Variants in GATAD2B observed in about 807,000 individuals in gnomAD.
GATAD2B encodes the protein GATA zinc finger domain containing 2B, also known as transcriptional repressor p66-beta.
GATAD2B carries 8 observed loss-of-function variants against 64.3 expected under a neutral mutation model. The ratio of observed to expected loss-of-function variants is 0.12; its 90% CI spans 0.07 to 0.22. The LOEUF is 0.22. Ranked by LOEUF, GATAD2B falls within the 10% of genes least tolerant of loss-of-function variation. The probability of loss-of-function intolerance (pLI) is 1.00; values close to 1 mark genes in which losing one functional copy is unlikely to be tolerated. For missense variants in GATAD2B, 453 were observed against 752.0 expected (o/e 0.60, Z 4.65); for synonymous variants, 281 against 271.3 (o/e 1.04, Z -0.35).
At chr1:153,884,630 T>C (rs940388081) in intron 1 of GATAD2B, among the ~76,000 whole-genome samples, 1 of 152,178 alleles carries the variant, frequency 6.6e-6, no homozygotes, top group East Asian at 1.9e-4. Context: ...AACTTCCTCT[T>C]GGTAAATATT....
At chr1:153,922,539 G>C (rs962670701) in intron 1 of GATAD2B, among the ~76,000 whole-genome samples, 194 bp downstream of exon 1, 10 of 146,914 alleles carry the variant, frequency 6.8e-5, no homozygotes, top group Admixed American at 4.0e-4. Context: ...GTGCCGGGGT[G>C]GGGGGAGGGG....
At chr1:153,851,237 A>T (rs1008385613) in intron 1 of GATAD2B, among the ~76,000 whole-genome samples, 3 of 152,172 alleles carry the variant, frequency 2.0e-5, no homozygotes, top group Non-Finnish European at 4.4e-5. Context: ...CCCTTAGCAT[A>T]ATGTCCTCAA....
At chr1:153,915,822 A>C (rs1324176774) in intron 1 of GATAD2B, among the ~76,000 whole-genome samples, 1 of 152,080 alleles carries the variant, frequency 6.6e-6, no homozygotes, top group African/African-American at 2.4e-5. Flanking sequence ...GTAGGGCTGG[A>C]TAGGAAGGCA....
intron 1 of GATAD2B, among the ~76,000 whole-genome samples, chr1:153,873,248 T>C (rs576992498): frequency 2.0e-5 from 3 of 152,354 alleles, no homozygotes; most frequent in South Asian, 4.1e-4. Context: ...ACTTGTTTAA[T>C]AGGTAACCTA....
intron 1 of GATAD2B, among the ~76,000 whole-genome samples, chr1:153,901,096 C>T (rs1571001132): frequency 6.6e-6 from 1 of 151,940 alleles, no homozygotes; most frequent in Admixed American, 6.6e-5. Flanking sequence ...TGCCTGTAAT[C>T]CAAGCTACTC....
intron 1 of GATAD2B, among the ~76,000 whole-genome samples, chr1:153,874,136 C>T (rs540339920): frequency 6.6e-6 from 1 of 151,746 alleles, no homozygotes; most frequent in African/African-American, 2.4e-5. Context: ...GTGGCGTGTG[C>T]CTGTAGTCCC....
At chr1:153,911,349 A>T (rs2101968607) in intron 1 of GATAD2B, among the ~76,000 whole-genome samples, 1 of 152,290 alleles carries the variant, frequency 6.6e-6, no homozygotes, top group East Asian at 1.9e-4. Context: ...ACAATAACCA[A>T]CAAAAGAAAG....
At chr1:153,869,447 T>A (rs1467342450) in intron 1 of GATAD2B, among the ~76,000 whole-genome samples, 1 of 152,238 alleles carries the variant, frequency 6.6e-6, no homozygotes, top group East Asian at 1.9e-4. Context: ...CTTATGGATA[T>A]TTATTTTACC....
chr1:153,900,324 G>C (rs1677726827), intron 1 of GATAD2B, among the ~76,000 whole-genome samples: 1 of 151,896 alleles, frequency 6.6e-6, no homozygotes, highest in Non-Finnish European at 1.5e-5. Context: ...GAGGCTTGAG[G>C]CAGGAGAATC....
At chr1:153,870,094 C>G (rs1427440076) in intron 1 of GATAD2B, among the ~76,000 whole-genome samples, 1 of 152,098 alleles carries the variant, frequency 6.6e-6, no homozygotes. Context: ...ATTACAAAGG[C>G]CTGCCACTAT....
intron 1 of GATAD2B, among the ~76,000 whole-genome samples, chr1:153,865,145 G>T (rs1676432209): frequency 6.6e-6 from 1 of 150,428 alleles, no homozygotes; most frequent in African/African-American, 2.4e-5. Flanking sequence ...ACAACAAATA[G>T]GAAAGTCATG....
At chr1:153,832,151 G>A (rs1396382948) in intron 1 of GATAD2B, among the ~76,000 whole-genome samples, 4 of 151,988 alleles carry the variant, frequency 2.6e-5, no homozygotes, top group African/African-American at 9.7e-5. Context: ...GGAGGCAGAG[G>A]TTTCAGTGAG....
chr1:153,920,280 A>G (rs1489651966), intron 1 of GATAD2B, among the ~76,000 whole-genome samples: 1 of 152,228 alleles, frequency 6.6e-6, no homozygotes, highest in Non-Finnish European at 1.5e-5. Flanking sequence ...CACTGACACA[A>G]TGGTCCCCAA....
At chr1:153,868,242 AATT>A (rs1676544888) in intron 1 of GATAD2B, among the ~76,000 whole-genome samples, 1 of 152,148 alleles carries the variant, frequency 6.6e-6, no homozygotes, top group African/African-American at 2.4e-5. Context: ...AAAATTTTAA[AATT>A]ATTAATGCAT....
At chr1:153,897,992 G>GAAAAAAA (rs1364485794) in intron 1 of GATAD2B, among the ~76,000 whole-genome samples, 1 of 70,748 alleles carries the variant, frequency 1.4e-5, no homozygotes, top group Admixed American at 1.6e-4. Context: ...AAAACAAACA[G>GAAAAAAA]AAAAAAAAAA....
chr1:153,878,166 T>C (rs916163765), intron 1 of GATAD2B, among the ~76,000 whole-genome samples: 1 of 152,002 alleles, frequency 6.6e-6, no homozygotes, highest in African/African-American at 2.4e-5. Context: ...TGCAATCTTT[T>C]TTTTTTTTTC....
intron 1 of GATAD2B, among the ~76,000 whole-genome samples, chr1:153,902,850 A>G (rs1677820363): frequency 6.6e-6 from 1 of 152,144 alleles, no homozygotes; most frequent in African/African-American, 2.4e-5. Flanking sequence ...TATATCTTTT[A>G]CATACTACTT....
chr1:153,827,334 T>C (rs1247049993), intron 2 of GATAD2B, among the ~76,000 whole-genome samples: 3 of 151,316 alleles, frequency 2.0e-5, no homozygotes, highest in African/African-American at 7.3e-5. Flanking sequence ...TATGATTCAC[T>C]GCACAGGGAG....
intron 1 of GATAD2B, among the ~76,000 whole-genome samples, chr1:153,915,333 G>A (rs1205704585): frequency 2.0e-5 from 3 of 152,172 alleles, no homozygotes; most frequent in Non-Finnish European, 2.9e-5. Context: ...TGCGGCAGGA[G>A]AATCACTTGA....
Sources: gnomAD v4.1 joint callset for allele counts (sites outside exome capture counted in the v4.1 genomes callset) on GRCh38, gnomAD v4.1.1 for gene constraint, MANE v1.5 for transcripts, NCBI Gene and HGNC (gene_info 2026-07-23, HGNC 2026-07-21) for gene names.